SGCD: variants seen among roughly 807,000 people sequenced by gnomAD.
The protein encoded by SGCD is sarcoglycan delta, also known as delta-sarcoglycan.
SGCD carries 18 observed loss-of-function variants against 36.6 expected under a neutral mutation model. The observed-to-expected ratio is 0.49, with a 90% CI of 0.34 to 0.73. SGCD has a LOEUF of 0.73. Among genes scored for constraint, SGCD ranks in the 30% least tolerant of loss-of-function variants. The pLI is 0.01. For synonymous variants in SGCD, 133 were observed against 130.6 expected (o/e 1.02, Z -0.12); for missense variants, 387 against 346.7 (o/e 1.12, Z -0.92).
chr5:155,998,600 G>A (rs1758602053), intron 1 of SGCD, among the ~76,000 whole-genome samples: 2 of 152,108 alleles, frequency 1.3e-5, no homozygotes, highest in African/African-American at 4.8e-5. Context: ...CGTTCTCTGT[G>A]GTATAGGTCT....
At chr5:156,508,772 C>T (rs903360915) in intron 4 of SGCD, 70 bp downstream of exon 4, 11 of 912,406 alleles carry the variant, frequency 1.2e-5, no homozygotes, top group African/African-American at 3.3e-5. Context: ...ATTGATCTTG[C>T]TATCAGCTGA....
Position 156,188,886 on chromosome 5 carries a change from G to T in SGCD, c.-44+64867G>T, listed in dbSNP as rs190974469. On this transcript the variant is annotated intron_variant, in intron 3 of 9. Transcript: ENST00000517913. ...ATTCTCCCTAGTAATTCCCTCAACA[G>T]AATTCCTCTTCTCCCCAACCCTATA... Among the ~76,000 whole-genome samples the T allele has an allele frequency of 2.2e-3, 342 of 152,206 alleles. 1 individual carries two copies. Among genetic ancestry groups the T allele is most frequent in the Non-Finnish European group, 4.1e-3 (277 of 68,010 alleles).
At chr5:156,712,132 G>A (rs1416806315) in intron 7 of SGCD, among the ~76,000 whole-genome samples, 1 of 152,178 alleles carries the variant, frequency 6.6e-6, no homozygotes, top group Admixed American at 6.5e-5. Context: ...CAAGGGCTTT[G>A]TGACCTCTAT....
At chr5:156,726,104 T>A (rs1043698803) in intron 7 of SGCD, among the ~76,000 whole-genome samples, 1 of 152,238 alleles carries the variant, frequency 6.6e-6, no homozygotes, top group African/African-American at 2.4e-5. Context: ...GGTTATCTTC[T>A]TGTAATCCAT....
chr5:156,602,189 A>G (rs1761224511), intron 6 of SGCD, among the ~76,000 whole-genome samples: 2 of 152,124 alleles, frequency 1.3e-5, no homozygotes, highest in Admixed American at 6.5e-5. Flanking sequence ...ATTCATAGGT[A>G]TCTTATTTTT....
At position 156,757,561 on chromosome 5, in the gene SGCD, C is replaced by T. The variant is rs764323398; in HGVS notation, c.576-20C>T. 19 of 1,467,474 alleles carry T rather than the reference C, an allele frequency of 1.3e-5. No homozygotes were observed. Among genetic ancestry groups the T allele is most frequent in the Admixed American group, 9.2e-5 (5 of 54,496 alleles). The allele number at this position is 1,467,474 out of a possible 1,614,324, so 90.9% of individuals were successfully genotyped here. A position where few individuals can be genotyped will look rare whatever the true frequency, so the allele number is the denominator to read the frequency against. On this transcript the variant is annotated intron_variant, in intron 7 of 8. Transcript: ENST00000337851. ...AAAAAGAAAAAGGGATCTTTATTGA[C>T]GATCTTGGGTGTTTTTCAGGTTGGA...
chr5:156,259,871 T>C (rs920749257), intron 3 of SGCD, among the ~76,000 whole-genome samples: 3 of 152,144 alleles, frequency 2.0e-5, no homozygotes, highest in Non-Finnish European at 2.9e-5. Flanking sequence ...GTTTGTCATG[T>C]TATGAGGTTG....
chr5:155,881,399 C>T (rs1031928599), intron 1 of SGCD, among the ~76,000 whole-genome samples: 6 of 151,434 alleles, frequency 4.0e-5, no homozygotes, highest in Non-Finnish European at 8.8e-5. Context: ...TTACACTATA[C>T]TGTAGTCTAT....
rs1264399940 is a variant in SGCD at position 156,336,205 on chromosome 5, A to G, written c.3+6626A>G. The stretch of plus-strand genomic sequence containing the variant: ...CGAGCTCCTGCCTCAGGGCCTTTGC[A>G]CTTGCTTGTCCAGTTTCCTCTGACT... On this transcript the variant is annotated intron_variant, in intron 2 of 8. Coordinates refer to ENST00000337851, the MANE Select transcript of SGCD (RefSeq NM_000337.6). Among the ~76,000 whole-genome samples the G allele has an allele frequency of 2.6e-5, 4 of 152,090 alleles. No individual in the cohort carries two copies. The East Asian group carries it at 5.8e-4, about 22-fold the overall frequency.
the SGCD span, among the ~76,000 whole-genome samples, chr5:155,791,488 A>G: frequency 7.9e-5 from 12 of 152,300 alleles, 1 homozygote; most frequent in African/African-American, 2.9e-4. Context: ...TGCTGATGAT[A>G]TGGTTCTATA....
intron 3 of SGCD, among the ~76,000 whole-genome samples, chr5:156,176,390 A>G (rs1581148346): frequency 6.6e-6 from 1 of 152,226 alleles, no homozygotes; most frequent in Admixed American, 6.5e-5. Flanking sequence ...GGTTAGGAAT[A>G]TCTCTAAGGA....
chr5:155,989,361 G>A (rs142422597), intron 1 of SGCD, among the ~76,000 whole-genome samples: 16 of 152,186 alleles, frequency 1.1e-4, no homozygotes, highest in East Asian at 9.6e-4. Context: ...ATATTCTTAC[G>A]TTTTGTTCAA....
intron 3 of SGCD, among the ~76,000 whole-genome samples, chr5:156,345,606 A>C (rs1305979028): frequency 4.6e-5 from 7 of 152,132 alleles, no homozygotes; most frequent in Admixed American, 1.3e-4. Context: ...TGGGAGGATC[A>C]CTTGAGTCCA....
intron 1 of SGCD, among the ~76,000 whole-genome samples, chr5:156,000,328 G>C (rs1443747294): frequency 6.6e-6 from 1 of 152,164 alleles, no homozygotes; most frequent in African/African-American, 2.4e-5. Context: ...GTTTGGGCAG[G>C]CAGTTCTGAT....
chr5:156,698,177 T>C (rs1452900858), intron 7 of SGCD, among the ~76,000 whole-genome samples: 1 of 152,108 alleles, frequency 6.6e-6, no homozygotes, highest in Non-Finnish European at 1.5e-5. Context: ...GCAGTATGTG[T>C]AGGACAATTT....
chr5:156,410,129 A>G (rs181491005), intron 3 of SGCD, among the ~76,000 whole-genome samples: 25 of 152,304 alleles, frequency 1.6e-4, no homozygotes, highest in African/African-American at 5.1e-4. Flanking sequence ...TTGCTAAGAC[A>G]TGGAATCAAC....
At chr5:156,403,184 G>C (rs559414908) in intron 3 of SGCD, among the ~76,000 whole-genome samples, 2 of 152,092 alleles carry the variant, frequency 1.3e-5, no homozygotes, top group African/African-American at 2.4e-5. Context: ...TCCCCAGTGA[G>C]GAAAAGTCAC....
intron 1 of SGCD, among the ~76,000 whole-genome samples, chr5:155,873,283 T>G (rs1443726962): frequency 6.6e-6 from 1 of 152,154 alleles, no homozygotes; most frequent in Non-Finnish European, 1.5e-5. Context: ...AGTATACATT[T>G]TTTAAAAAAA....
At chr5:156,696,531 G>T (rs983265019) in intron 7 of SGCD, among the ~76,000 whole-genome samples, 2 of 151,928 alleles carry the variant, frequency 1.3e-5, no homozygotes, top group African/African-American at 4.8e-5. Context: ...TTTTTTTGAG[G>T]GTAAGTCTCA....
Sources: gnomAD v4.1 joint callset for allele counts (sites outside exome capture counted in the v4.1 genomes callset) on GRCh38, gnomAD v4.1.1 for gene constraint, MANE v1.5 for transcripts, NCBI Gene and HGNC (gene_info 2026-07-23, HGNC 2026-07-21) for gene names.